C3orf20: variants seen among roughly 807,000 people sequenced by gnomAD.
C3orf20 encodes family with sequence similarity 149 member C, also known as uncharacterized protein C3orf20.
A neutral mutation model predicts 88.3 loss-of-function variants in C3orf20; 76 were observed. That is an observed-to-expected ratio of 0.86 (90% CI 0.72 to 1.04). The LOEUF (loss-of-function observed/expected upper bound fraction) is 1.04. Among genes scored for constraint, C3orf20 ranks in the 50% least tolerant of loss-of-function variants. C3orf20 has a pLI of 0.00. For missense variants in C3orf20, 1,056 were observed against 1,123.3 expected, an observed-to-expected ratio of 0.94 and a Z score of 0.86; for synonymous variants, 436 against 437.4, an observed-to-expected ratio of 1.00 and a Z score of 0.04.
At chr3:14,721,884 C>T in intron 10 of C3orf20, 100 bp downstream of exon 10, 1 of 1,471,808 alleles carries the variant, frequency 6.8e-7, no homozygotes, top group African/African-American at 1.4e-5. Flanking sequence ...TCCCCACCAC[C>T]CTTCCATGCA....
intron 13 of C3orf20, among the ~76,000 whole-genome samples, chr3:14,758,414 G>A (rs772154370): frequency 5.9e-5 from 9 of 152,170 alleles, no homozygotes; most frequent in Admixed American, 5.2e-4. Context: ...CCTACTCATC[G>A]CTGCAGTAGA....
intron 12 of C3orf20, among the ~76,000 whole-genome samples, chr3:14,737,843 G>A (rs1205741941): frequency 3.9e-5 from 6 of 152,158 alleles, no homozygotes; most frequent in Admixed American, 6.5e-5. Context: ...TTTATGTAAT[G>A]TTCTAAATCT....
chr3:14,690,132 C>T lies in C3orf20; in HGVS notation c.745+16C>T, dbSNP rs368628973. 9.9e-6 allele frequency: 16 copies of T among 1,613,500 alleles called. No homozygotes were observed. Among genetic ancestry groups the T allele is most frequent in the African/African-American group, 8.0e-5 (6 of 74,888 alleles). On this transcript the variant is annotated intron_variant, in intron 5 of 16. Transcript: ENST00000253697. ...AAGAAAATAGGTAAAAATGGTTCCT[C>T]GTGGCCTACCATTCATTGGTGGTGG...
intron 11 of C3orf20, among the ~76,000 whole-genome samples, chr3:14,728,084 C>T (rs2034417103): frequency 6.6e-6 from 1 of 152,210 alleles, no homozygotes; most frequent in African/African-American, 2.4e-5. Flanking sequence ...ACACAGGGAA[C>T]AGCATTCTCA....
Position 14,773,022 on chromosome 3 carries a change from C to T in C3orf20, c.*147C>T. On this transcript the variant is annotated 3_prime_UTR_variant, in exon 17 of 17. Coordinates refer to ENST00000253697, the MANE Select transcript of C3orf20 (RefSeq NM_032137.5). ...GGGCCTCCAGCATTGGGGTGAGGCT[C>T]TGGGGAAGGACAGACCCAGCTCATT... The T allele has an allele frequency of 3.1e-6, 2 of 655,500 alleles. No homozygotes were observed. Among genetic ancestry groups the T allele is most frequent in the Admixed American group, 2.4e-5 (1 of 41,154 alleles). The allele number at this position is 655,500 out of a possible 1,614,324, so 40.6% of individuals were successfully genotyped here. A position where few individuals can be genotyped will look rare whatever the true frequency, so the allele number is the denominator to read the frequency against.
intron 15 of C3orf20, among the ~76,000 whole-genome samples, chr3:14,771,023 C>A (rs1165395360): frequency 1.3e-5 from 2 of 152,148 alleles, no homozygotes; most frequent in African/African-American, 2.4e-5. Flanking sequence ...GAAAGTGTGC[C>A]CCCCAAAGTT....
chr3:14,729,846 G>T (rs1444912439), intron 12 of C3orf20, among the ~76,000 whole-genome samples: 1 of 152,118 alleles, frequency 6.6e-6, no homozygotes, highest in Non-Finnish European at 1.5e-5. Context: ...CACCTGGCCT[G>T]GGATTTATCT....
Position 14,772,158 on chromosome 3 carries a change from C to G in C3orf20, c.2587C>G (p.Leu863Val), listed in dbSNP as rs370746128. The change falls in exon 16 of 17, where the codon CTG becomes GTG. Residue 863 changes from leucine to valine, a missense_variant. Leu to Val is a conservative substitution (Grantham distance 32). Coordinates refer to ENST00000253697, the MANE Select transcript of C3orf20 (RefSeq NM_032137.5). The surrounding 1 kb of genome is among the most constrained non-coding windows in gnomAD (Gnocchi z 4.2). Reference protein sequence around the residue: ...DIQGSSSSLALEDYVEKELSL... With the variant: ...DIQGSSSSLAVEDYVEKELSL... ...CCAAGGAAGCAGCTCCTCATTGGCCCTGGAAGACTATGTGGAGAAGGAGTT... is the reference window on the plus strand; with the variant it reads ...CCAAGGAAGCAGCTCCTCATTGGCCGTGGAAGACTATGTGGAGAAGGAGTT... The G allele has an allele frequency of 2.8e-5, 45 of 1,614,090 alleles. 1 individual carries two copies. The South Asian group carries it at 4.9e-4, about 18-fold the overall frequency.
chr3:14,712,164 GCACACACA>G (rs1366747824), intron 7 of C3orf20, among the ~76,000 whole-genome samples: 2 of 102,934 alleles, frequency 1.9e-5, no homozygotes, highest in African/African-American at 8.0e-5. Context: ...ACACACACAC[GCACACACA>G]CGCGCGCGCG....
chr3:14,727,284 C>T (rs778373570), intron 11 of C3orf20, among the ~76,000 whole-genome samples: 6 of 152,176 alleles, frequency 3.9e-5, no homozygotes, highest in African/African-American at 1.4e-4. Context: ...TCTTGCACAT[C>T]TCCATGAGAT....
intron 7 of C3orf20, among the ~76,000 whole-genome samples, chr3:14,707,291 A>C (rs1269799424): frequency 6.6e-6 from 1 of 151,548 alleles, no homozygotes; most frequent in South Asian, 2.1e-4. Flanking sequence ...TGGGAATATC[A>C]TAAAGCTGTA....
At chr3:14,750,173 G>C (rs530633137) in intron 12 of C3orf20, among the ~76,000 whole-genome samples, 1 of 152,194 alleles carries the variant, frequency 6.6e-6, no homozygotes, top group African/African-American at 2.4e-5. Flanking sequence ...GGCCTACCAG[G>C]AACAAACTCC....
chr3:14,772,043 C>A lies in C3orf20; in HGVS notation c.2496-24C>A. 6.2e-7 allele frequency: 1 copy of A among 1,613,846 alleles called. No individual in the cohort carries two copies. The highest frequency in any genetic ancestry group is 8.5e-7 in the Non-Finnish European group (1 of 1,179,834). ...AGTGCACCCTGGGCCCTGAGCACTG[C>A]CCCCGACCCTGCCTCCCCTGCAGTG... On this transcript the variant is annotated intron_variant, in intron 15 of 16. Coordinates refer to ENST00000253697, the MANE Select transcript of C3orf20 (RefSeq NM_032137.5). This position sits in a 1 kb window ranked among gnomAD's most constrained non-coding sequence, Gnocchi z 4.2.
chr3:14,744,106 A>T (rs1331463924), intron 12 of C3orf20, among the ~76,000 whole-genome samples: 1 of 151,980 alleles, frequency 6.6e-6, no homozygotes, highest in Non-Finnish European at 1.5e-5. Context: ...TCAGGCTGAA[A>T]ATTTTCCAAA....
chr3:14,758,527 G>A (rs776694228), intron 13 of C3orf20, among the ~76,000 whole-genome samples: 10 of 152,224 alleles, frequency 6.6e-5, no homozygotes, highest in East Asian at 3.8e-4. Context: ...ACCAACTGGA[G>A]CAAAGGATGG....
At chr3:14,703,486 A>G (rs1009889702) in intron 6 of C3orf20, among the ~76,000 whole-genome samples, 2 of 152,192 alleles carry the variant, frequency 1.3e-5, no homozygotes, top group African/African-American at 2.4e-5. Context: ...CCTCCCTACA[A>G]TATCACTGCA....
intron 12 of C3orf20, among the ~76,000 whole-genome samples, chr3:14,732,020 G>C (rs982772796): frequency 1.3e-5 from 2 of 152,216 alleles, no homozygotes; most frequent in Non-Finnish European, 2.9e-5. Context: ...TTAAGAGCTA[G>C]ATTGCCTGGT....
At position 14,714,006 on chromosome 3, in the gene C3orf20, G is replaced by A; in HGVS notation, c.1161-1G>A. On this transcript the variant is annotated splice_acceptor_variant, in intron 7 of 16. Coordinates refer to ENST00000253697, the MANE Select transcript of C3orf20 (RefSeq NM_032137.5). LOFTEE classifies it high-confidence loss of function. ...TAGTTCTACCTGAACATTTCTGCCA[G>A]CTATCCCTCTGGAAACGTCGCTGTA... The A allele has an allele frequency of 6.2e-7, 1 of 1,614,018 alleles. No homozygotes were observed. Among genetic ancestry groups the A allele is most frequent in the Non-Finnish European group, 8.5e-7 (1 of 1,179,992 alleles).
intron 15 of C3orf20, among the ~76,000 whole-genome samples, chr3:14,763,484 A>C (rs922324340): frequency 6.6e-6 from 1 of 152,140 alleles, no homozygotes; most frequent in Non-Finnish European, 1.5e-5. Context: ...CTTACCTCCC[A>C]AAAGCTCTGC....
Sources: gnomAD v4.1 joint callset for allele counts (sites outside exome capture counted in the v4.1 genomes callset) on GRCh38, gnomAD v4.1.1 for gene constraint, Gnocchi (gnomAD v3.1) non-coding constraint, MANE v1.5 for transcripts, NCBI Gene and HGNC (gene_info 2026-07-23, HGNC 2026-07-21) for gene names.